The following EPM2A variants were observed in gnomAD, a reference collection of about 807,000 sequenced individuals.
EPM2A encodes the protein laforin.
In EPM2A, 21 loss-of-function variants were observed where a neutral mutation model predicts 26.5. The ratio of observed to expected loss-of-function variants is 0.79; its 90% confidence interval spans 0.56 to 1.14. The LOEUF (loss-of-function observed/expected upper bound fraction) is 1.14, where lower values mean the gene tolerates loss of function less well. Ranked by LOEUF, EPM2A falls within the 50% of genes most tolerant of loss-of-function variation. The pLI is 0.00. For missense variants in EPM2A, 458 were observed against 440.8 expected (o/e 1.04, Z -0.35); for synonymous variants, 217 against 177.6 (o/e 1.22, Z -1.76).
intron 2 of EPM2A, among the ~76,000 whole-genome samples, chr6:145,508,995 T>C (rs1237188461): frequency 6.6e-6 from 1 of 151,912 alleles, no homozygotes; most frequent in East Asian, 1.9e-4. Context: ...GAAAAAAAAA[T>C]CACAGACTAG....
intron 2 of EPM2A, among the ~76,000 whole-genome samples, chr6:145,611,595 A>G (rs1339935209): frequency 2.0e-5 from 3 of 152,146 alleles, no homozygotes; most frequent in Non-Finnish European, 4.4e-5. Flanking sequence ...TTAACTTCCA[A>G]AGGAAATATT....
At chr6:145,510,768 G>A (rs1353617486) in intron 2 of EPM2A, among the ~76,000 whole-genome samples, 3 of 151,894 alleles carry the variant, frequency 2.0e-5, no homozygotes, top group Admixed American at 2.0e-4. Context: ...AATTAGAGCA[G>A]AACTAAATGA....
At chr6:145,405,670 G>T (rs1289687746) in intron 4 of EPM2A, among the ~76,000 whole-genome samples, 2 of 152,056 alleles carry the variant, frequency 1.3e-5, no homozygotes, top group Non-Finnish European at 2.9e-5. Context: ...TATTTAGGTT[G>T]CCTCTGAAAT....
intron 2 of EPM2A, among the ~76,000 whole-genome samples, chr6:145,589,720 G>A (rs1781243415): frequency 6.6e-6 from 1 of 151,990 alleles, no homozygotes; most frequent in Non-Finnish European, 1.5e-5. Flanking sequence ...TCTTGGTGAT[G>A]CCCTGTATAG....
intron 4 of EPM2A, among the ~76,000 whole-genome samples, chr6:145,423,914 A>G (rs577085688): frequency 6.6e-6 from 1 of 152,350 alleles, no homozygotes; most frequent in East Asian, 1.9e-4. Context: ...AGAACTGTAG[A>G]ATATGTTATT....
intron 4 of EPM2A, among the ~76,000 whole-genome samples, chr6:145,472,793 C>T (rs1779493398): frequency 6.6e-6 from 1 of 152,146 alleles, no homozygotes; most frequent in Non-Finnish European, 1.5e-5. Context: ...TCCAAGACAA[C>T]AAAGGCGATA....
chr6:145,500,997 C>A (rs1242702361), downstream of EPM2A, among the ~76,000 whole-genome samples: 2 of 152,240 alleles, frequency 1.3e-5, no homozygotes, highest in Non-Finnish European at 1.5e-5. Context: ...TTTAAAGGAG[C>A]TTTATTCCAT....
intron 2 of EPM2A, among the ~76,000 whole-genome samples, chr6:145,552,031 A>G (rs139768073): frequency 5.9e-5 from 9 of 152,106 alleles, no homozygotes; most frequent in African/African-American, 2.2e-4. Context: ...ATAGATTCCT[A>G]TGAATACAGA....
chr6:145,717,316 C>T lies in EPM2A; in HGVS notation c.301+17882G>A, dbSNP rs573207669. On this transcript the variant is annotated intron_variant, in intron 1 of 3. Coordinates refer to ENST00000367519, the MANE Select transcript of EPM2A (RefSeq NM_005670.4). Reference sequence around the variant, plus strand: ...TGGGATGCAAGTCTGGTTCAATATACGCAAATCAGTAAATGTAATCCAGCA... The same window carrying T: ...TGGGATGCAAGTCTGGTTCAATATATGCAAATCAGTAAATGTAATCCAGCA... Among the ~76,000 whole-genome samples, 180 of 152,234 alleles carry T rather than the reference C, an allele frequency of 1.2e-3. 1 individual carries two copies. Among genetic ancestry groups the T allele is most frequent in the African/African-American group, 4.0e-3 (168 of 41,548 alleles).
At position 145,735,464 on chromosome 6, in the gene EPM2A, G is replaced by A. The variant is rs1339401012; in HGVS notation, c.35C>T (p.Ala12Val). The change falls in exon 1 of 4, where the codon GCC becomes GTC. Residue 12 changes from alanine (A) to valine (V), a missense_variant. By Grantham distance (64) the Ala-to-Val change is moderately conservative. Transcript: ENST00000367519. ...RFRFGVVVPP[A>V]VAGARPELLV... The stretch of plus-strand genomic sequence containing the variant: ...CAGCTCCGGCCGGGCGCCGGCCACG[G>A]CGGGTGGCACCACCACCCCAAAGCG... 1.6e-6 allele frequency: 2 copies of A among 1,228,120 alleles called. No individual in the cohort carries two copies. The highest frequency in any genetic ancestry group is 3.1e-5 in the South Asian group (1 of 32,048). The allele number at this position is 1,228,120 out of a possible 1,614,324, so 76.1% of individuals were successfully genotyped here. A position where few individuals can be genotyped will look rare whatever the true frequency, so the allele number is the denominator to read the frequency against.
chr6:145,461,834 C>T (rs1339684547), intron 4 of EPM2A, among the ~76,000 whole-genome samples: 1 of 152,066 alleles, frequency 6.6e-6, no homozygotes, highest in Non-Finnish European at 1.5e-5. Flanking sequence ...TTCAGAGGGA[C>T]TTTAAAAAGG....
At chr6:145,567,067 T>C (rs551341147) in intron 2 of EPM2A, among the ~76,000 whole-genome samples, 1 of 152,310 alleles carries the variant, frequency 6.6e-6, no homozygotes, top group East Asian at 1.9e-4. Flanking sequence ...CCCCATCCTA[T>C]TGAGTCTCCC....
At chr6:145,562,127 G>GTAAAAAAAAAAAA (rs755571602) in intron 2 of EPM2A, among the ~76,000 whole-genome samples, 2 of 140,262 alleles carry the variant, frequency 1.4e-5, no homozygotes, top group African/African-American at 5.3e-5. Context: ...ATTACAAAAA[G>GTAAAAAAAAAAAA]GAAAAAAAAA....
chr6:145,491,895 G>A (rs1303654733), intron 4 of EPM2A: 1 of 490,244 alleles, frequency 2.0e-6, no homozygotes, highest in South Asian at 1.6e-5. Flanking sequence ...AAGGTTCCTG[G>A]GTAAATTGAA....
At chr6:145,530,400 C>T (rs1009741262) in intron 2 of EPM2A, among the ~76,000 whole-genome samples, 7 of 152,186 alleles carry the variant, frequency 4.6e-5, no homozygotes, top group Non-Finnish European at 1.0e-4. Context: ...CAAATTAGTA[C>T]ACACCTAATA....
chr6:145,635,384 C>CTGGAAATTCA lies in EPM2A; in HGVS notation c.569_578dup (p.Gln193HisfsTer6). ...AATTCTGTACAATATCCCATTCAGT[C>CTGGAAATTCA]TGGAAATTCATTACAGCTGTAATCC... On this transcript the variant is annotated frameshift_variant, in exon 3 of 4. Transcript: ENST00000367519. LOFTEE classifies it high-confidence loss of function. The CTGGAAATTCA allele has an allele frequency of 6.2e-7, 1 of 1,614,136 alleles. No individual in the cohort carries two copies. Among genetic ancestry groups the CTGGAAATTCA allele is most frequent in the Non-Finnish European group, 8.5e-7 (1 of 1,180,020 alleles).
intron 2 of EPM2A, among the ~76,000 whole-genome samples, chr6:145,615,598 A>C (rs1434178853): frequency 1.3e-5 from 2 of 152,122 alleles, no homozygotes; most frequent in Admixed American, 6.6e-5. Flanking sequence ...TGGAGGGCTC[A>C]GAAGAAGACA....
At chr6:145,412,592 G>A (rs1173557635) in intron 4 of EPM2A, among the ~76,000 whole-genome samples, 14 of 152,088 alleles carry the variant, frequency 9.2e-5, no homozygotes, top group Admixed American at 9.2e-4. Flanking sequence ...ATATACTCAT[G>A]CTTAGATTAT....
Position 145,450,152 on chromosome 6 carries a change from G to A in EPM2A, c.555+52370C>T, listed in dbSNP as rs944812503. Among the ~76,000 whole-genome samples the A allele has an allele frequency of 1.1e-4, 16 of 151,944 alleles. 1 individual carries two copies. Among genetic ancestry groups the A allele is most frequent in the Admixed American group, 9.2e-4 (14 of 15,274 alleles). ...GCAGATCATGAGGTCAGGAGATCAA[G>A]ACCACCCTGGCTAACACAGTGAAAC... On this transcript the variant is annotated intron_variant, in intron 4 of 4. Transcript: ENST00000638717.
Sources: gnomAD v4.1 joint callset for allele counts (sites outside exome capture counted in the v4.1 genomes callset) on GRCh38, gnomAD v4.1.1 for gene constraint, MANE v1.5 for transcripts, NCBI Gene and HGNC (gene_info 2026-07-23, HGNC 2026-07-21) for gene names.